SEC24B: variants seen among roughly 807,000 people sequenced by gnomAD.
SEC24B encodes protein transport protein Sec24B.
A neutral mutation model predicts 142.8 loss-of-function variants in SEC24B; 45 were observed. The ratio of observed to expected loss-of-function variants is 0.32; its 90% CI spans 0.25 to 0.40. The LOEUF is 0.40. Ranked by LOEUF, SEC24B falls within the 10% of genes least tolerant of loss-of-function variation. The pLI, the probability that SEC24B is intolerant of heterozygous loss-of-function variation, is 1.00. For synonymous variants in SEC24B, 574 were observed against 568.2 expected, an observed-to-expected ratio of 1.01 and a Z score of -0.15; for missense variants, 1,409 against 1,526.8, an observed-to-expected ratio of 0.92 and a Z score of 1.29.
intron 1 of SEC24B, among the ~76,000 whole-genome samples, chr4:109,437,411 G>A (rs1252859889): frequency 6.6e-6 from 1 of 152,016 alleles, no homozygotes; most frequent in African/African-American, 2.4e-5. Flanking sequence ...AGCTTCCCAA[G>A]TAGCTAGGAC....
intron 11 of SEC24B, among the ~76,000 whole-genome samples, chr4:109,519,218 G>A (rs1391787697): frequency 6.6e-6 from 1 of 152,098 alleles, no homozygotes; most frequent in Non-Finnish European, 1.5e-5. Flanking sequence ...CCGTCACTGT[G>A]CTCCAGAAAT....
chr4:109,538,361 T>C (rs1001815650), intron 22 of SEC24B, 132 bp from the exon 23 acceptor site: 1 of 591,680 alleles, frequency 1.7e-6, no homozygotes, highest in Non-Finnish European at 3.1e-6. Context: ...ATTTTATTTG[T>C]GTAGTTGCTG....
At chr4:109,506,643 G>C in intron 7 of SEC24B, 131 bp downstream of exon 7, 1 of 623,478 alleles carries the variant, frequency 1.6e-6, no homozygotes, top group Non-Finnish European at 2.4e-6. Context: ...CTTTTAGTTT[G>C]TATAGATGTA....
At chr4:109,488,042 T>G (rs924350733) in intron 4 of SEC24B, among the ~76,000 whole-genome samples, 1 of 152,142 alleles carries the variant, frequency 6.6e-6, no homozygotes, top group Non-Finnish European at 1.5e-5. Context: ...CAAGAGTAGT[T>G]ATTTCTTGAT....
At chr4:109,516,497 A>G (rs1371595140) in intron 10 of SEC24B, 31 bp from the exon 11 acceptor site, 1 of 1,366,764 alleles carries the variant, frequency 7.3e-7, no homozygotes, top group Admixed American at 1.8e-5. Flanking sequence ...TGTACCTACC[A>G]AATAACTTAC....
chr4:109,519,145 AC>A (rs1723319759), intron 11 of SEC24B, among the ~76,000 whole-genome samples: 1 of 152,040 alleles, frequency 6.6e-6, no homozygotes, highest in Non-Finnish European at 1.5e-5. Flanking sequence ...AAGAGGGTAC[AC>A]CATTCTTGGA....
At chr4:109,505,866 A>G (rs1472812633) in intron 6 of SEC24B, among the ~76,000 whole-genome samples, 1 of 152,220 alleles carries the variant, frequency 6.6e-6, no homozygotes, top group African/African-American at 2.4e-5. Flanking sequence ...AATGACTGTA[A>G]TTCATTACAT....
At chr4:109,533,807 T>A (rs971683746) in intron 22 of SEC24B, 122 bp downstream of exon 22, 3 of 700,142 alleles carry the variant, frequency 4.3e-6, no homozygotes, top group Non-Finnish European at 7.5e-6. Flanking sequence ...TTACACAGTG[T>A]TTTACAGCCA....
Position 109,505,501 on chromosome 4 carries a change from C to T in SEC24B, c.1489-827C>T, listed in dbSNP as rs371515639. On this transcript the variant is annotated intron_variant, in intron 6 of 23. Transcript: ENST00000265175. ...AATCAAAGAACTTAAGTAAAAACCC[C>T]GTCATCTTAAATTTGTATTGGAACT... is the stretch of plus-strand genomic sequence containing the variant. 7.9e-5 allele frequency among the ~76,000 whole-genome samples: 12 copies of T among 152,136 alleles called. No individual in the cohort carries two copies. In the South Asian group the frequency reaches 8.3e-4, roughly 11 times the overall value.
chr4:109,455,596 T>G (rs1730585140), intron 1 of SEC24B, among the ~76,000 whole-genome samples: 1 of 152,218 alleles, frequency 6.6e-6, no homozygotes, highest in South Asian at 2.1e-4. Context: ...GTTGAGGTTC[T>G]TTTCTTTTTT....
At chr4:109,531,997 C>T (rs993067174) in intron 20 of SEC24B, among the ~76,000 whole-genome samples, 3 of 152,118 alleles carry the variant, frequency 2.0e-5, no homozygotes, top group Non-Finnish European at 4.4e-5. Context: ...GCTGGGATTA[C>T]AGGCACATGC....
At chr4:109,435,444 C>T (rs970102313) in intron 1 of SEC24B, among the ~76,000 whole-genome samples, 16 of 152,278 alleles carry the variant, frequency 1.1e-4, no homozygotes, top group South Asian at 2.1e-4. Flanking sequence ...AGTAAAAGAG[C>T]CCAAGTCTTT....
At chr4:109,461,977 G>C (rs1489904417) in intron 1 of SEC24B, among the ~76,000 whole-genome samples, 1 of 151,696 alleles carries the variant, frequency 6.6e-6, no homozygotes, top group Non-Finnish European at 1.5e-5. Context: ...TGGCTGGGCC[G>C]TGGTGTATGG....
chr4:109,462,385 G>A (rs896773406), intron 1 of SEC24B, among the ~76,000 whole-genome samples: 7 of 152,178 alleles, frequency 4.6e-5, no homozygotes, highest in Non-Finnish European at 8.8e-5. Flanking sequence ...TCTCTCATGA[G>A]ATAACCTGTT....
At chr4:109,470,953 T>C (rs528807634) in intron 2 of SEC24B, among the ~76,000 whole-genome samples, 37 of 152,272 alleles carry the variant, frequency 2.4e-4, no homozygotes, top group African/African-American at 8.7e-4. Context: ...ATAAACATGA[T>C]TCAGGAGGGG....
chr4:109,453,460 G>T (rs180719163), intron 1 of SEC24B, among the ~76,000 whole-genome samples: 1 of 18,412 alleles, frequency 5.4e-5, no homozygotes, highest in Non-Finnish European at 1.2e-4. Context: ...CCCCCCCCCC[G>T]AATGGCTGTT....
chr4:109,474,289 G>T (rs1252321077), intron 3 of SEC24B, among the ~76,000 whole-genome samples: 1 of 152,152 alleles, frequency 6.6e-6, no homozygotes, highest in East Asian at 1.9e-4. Flanking sequence ...AAGCTTTTAG[G>T]ATAGATCAAA....
intron 6 of SEC24B, among the ~76,000 whole-genome samples, chr4:109,505,108 ATACCTTATTGTATTAG>A (rs1736546134): frequency 6.6e-6 from 1 of 152,100 alleles, no homozygotes; most frequent in African/African-American, 2.4e-5. Flanking sequence ...ATATCTCTGA[ATACCTTATTGTATTAG>A]TACCTTATTG....
At chr4:109,483,082 A>G (rs12505445) in intron 4 of SEC24B, among the ~76,000 whole-genome samples, 5 of 133,944 alleles carry the variant, frequency 3.7e-5, no homozygotes, top group Non-Finnish European at 6.2e-5. Context: ...ATGTATGTAT[A>G]TATATATATT....
Sources: allele counts gnomAD v4.1 joint callset (sites outside exome capture counted in the v4.1 genomes callset), GRCh38; gene constraint gnomAD v4.1.1; transcripts MANE v1.5; gene names NCBI Gene and HGNC (gene_info 2026-07-23, HGNC 2026-07-21).